Variants in ZNF324 observed in about 807,000 individuals in gnomAD.
ZNF324 encodes the protein zinc finger protein 324, also known as zinc finger protein 324A.
Under a neutral mutation model 10.3 loss-of-function variants are expected in ZNF324, and 3 were observed. That is an observed-to-expected ratio of 0.29 (90% CI 0.13 to 0.75). The LOEUF (loss-of-function observed/expected upper bound fraction) is 0.75. Ranked by LOEUF, ZNF324 falls within the 30% of genes least tolerant of loss-of-function variation. The pLI, the probability that ZNF324 is intolerant of heterozygous loss-of-function variation, is 0.69. For synonymous variants in ZNF324, 430 were observed against 339.5 expected, an observed-to-expected ratio of 1.27 and a Z score of -2.93; for missense variants, 763 against 784.4, an observed-to-expected ratio of 0.97 and a Z score of 0.33.
At position 58,471,333 on chromosome 19, in the gene ZNF324, G is replaced by A. The variant is rs987907650; in HGVS notation, c.841G>A (p.Gly281Arg). The A allele has an allele frequency of 2.4e-5, 39 of 1,614,042 alleles. No homozygotes were observed. Among genetic ancestry groups the A allele is most frequent in the Non-Finnish European group, 2.9e-5 (34 of 1,180,020 alleles). ...CCTCAAGCACCTACGCACCCACACC[G>A]GGGAGCGGCCCTACGAGTGCGCCCA... ...DLLKHLRTHTGERPYECAQCG... is the reference protein window; with the variant it reads ...DLLKHLRTHTRERPYECAQCG... The change falls in exon 4 of 4, where the codon GGG becomes AGG. Residue 281 changes from glycine (G) to arginine (R), a missense_variant. Gly to Arg is a moderately radical substitution (Grantham distance 125). Transcript: ENST00000196482.
chr19:58,467,939 C>T (rs992957404), intron 1 of ZNF324, among the ~76,000 whole-genome samples: 3 of 151,872 alleles, frequency 2.0e-5, no homozygotes, highest in Non-Finnish European at 2.9e-5. Flanking sequence ...GCGTGGAGAA[C>T]AGACATGCAG....
At chr19:58,467,279 A>C (rs563327070) in intron 1 of ZNF324, 96 bp downstream of exon 1, 1 of 152,032 alleles carries the variant, frequency 6.6e-6, no homozygotes, top group South Asian at 2.1e-4. Context: ...TGTTTCTCAG[A>C]GTGCGTCGTG....
chr19:58,471,046 T>C lies in ZNF324; in HGVS notation c.554T>C (p.Leu185Pro), dbSNP rs956528733. The change falls in exon 4 of 4, where the codon CTG (leucine) becomes CCG (proline). Residue 185 changes from leucine to proline, a missense_variant. Physicochemically the swap from Leu to Pro is moderately conservative, Grantham distance 98 (BLOSUM62 -3). This residue lies in a region of ZNF324 where 379 missense variants were observed against 319.4 expected (regional missense o/e 1.19). Transcript: ENST00000196482. ...REKTLTEHAL[L>P]GRQPRTPERQ... is the part of the protein sequence containing the mutation. ...AAGACACTCACAGAGCATGCGTTGC[T>C]GGGGAGGCAGCCCAGGACGCCTGAG... 5 of 1,613,832 alleles carry C rather than the reference T, an allele frequency of 3.1e-6. No individual in the cohort carries two copies. Among genetic ancestry groups the C allele is most frequent in the Non-Finnish European group, 4.2e-6 (5 of 1,180,038 alleles).
At position 58,473,616 on chromosome 19, in the gene ZNF324, C is replaced by G. The variant is rs1050266492; in HGVS notation, c.*1462C>G. ...GTAGCAACCTGACACCTATTTCACC[C>G]TCATACAATGCAGATGGTATTGAAC... On this transcript the variant is annotated 3_prime_UTR_variant, in exon 4 of 4. Coordinates refer to ENST00000196482, the MANE Select transcript of ZNF324 (RefSeq NM_014347.3). 6.6e-6 allele frequency: 1 copy of G among 152,174 alleles called. No individual in the cohort carries two copies. Among genetic ancestry groups the G allele is most frequent in the Non-Finnish European group, 1.5e-5 (1 of 68,060 alleles). 9.4% of individuals were successfully genotyped at this position (152,174 alleles called of 1,614,324 possible). A position where few individuals can be genotyped will look rare whatever the true frequency, so the allele number is the denominator to read the frequency against.
intron 3 of ZNF324, chr19:58,470,397 G>C: frequency 2.3e-6 from 1 of 434,850 alleles, no homozygotes; most frequent in Non-Finnish European, 4.3e-6. Flanking sequence ...CAGGGGCGGG[G>C]GGAAGGGGGT....
In ZNF324 at chr19:58,471,626, C is replaced by T. The variant is rs1218949875; in HGVS notation, c.1134C>T (p.Phe378=). ...PYACAQCGRR[F]CRNSHLIQHE... is the part of the protein sequence containing the mutation. ...CTTGCGCACAGTGTGGCCGCCGCTT[C>T]TGCCGCAACTCGCACCTGATCCAGC... The change falls in exon 4 of 4, where the codon TTC becomes TTT. Residue 378 remains phenylalanine (F), a synonymous_variant. Coordinates refer to ENST00000196482, the MANE Select transcript of ZNF324 (RefSeq NM_014347.3). 5.0e-6 allele frequency: 8 copies of T among 1,609,704 alleles called. No individual in the cohort carries two copies. In the East Asian group the frequency reaches 8.9e-5, roughly 18 times the overall value.
rs563025276 is a variant in ZNF324, at chr19:58,468,410, AAGG to A, written c.-6-765_-6-763del. On this transcript the variant is annotated intron_variant, in intron 1 of 3. Transcript: ENST00000196482. ...GGGGAAGAAAGGGGACACCGGGTGA[AAGG>A]AGGAAGGGATTGAGTTCCTCTGTGT... Among the ~76,000 whole-genome samples, 94 of 152,142 alleles carry A rather than the reference AAGG, an allele frequency of 6.2e-4. 1 individual carries two copies. The highest frequency in any genetic ancestry group is 3.4e-3 in the Middle Eastern group (1 of 292).
rs752948622 is a variant in ZNF324 at position 58,471,302 on chromosome 19, C to T, written c.810C>T (p.Ser270=). The T allele has an allele frequency of 5.9e-5, 95 of 1,613,766 alleles. No homozygotes were observed. Among genetic ancestry groups the T allele is most frequent in the Non-Finnish European group, 7.3e-5 (86 of 1,180,014 alleles). The change falls in exon 4 of 4, where the codon TCC becomes TCT. Residue 270 remains serine (S), a synonymous_variant. Transcript: ENST00000196482. Reference sequence around the variant, plus strand: ...GCAGCAAAGTGTTCGTGAAGAGCTCCGACCTCCTCAAGCACCTACGCACCC... The same window carrying T: ...GCAGCAAAGTGTTCGTGAAGAGCTCTGACCTCCTCAAGCACCTACGCACCC... The part of the protein sequence containing the change: ...RACSKVFVKS[S]DLLKHLRTHT...
chr19:58,471,044 G>T lies in ZNF324; in HGVS notation c.552G>T (p.Leu184Phe). Residue 184 changes from leucine (L) to phenylalanine (F), a missense_variant, in exon 4 of 4, where the codon TTG becomes TTT. By Grantham distance (22) the Leu-to-Phe change is conservative. Coordinates refer to ENST00000196482, the MANE Select transcript of ZNF324 (RefSeq NM_014347.3). ...AAAAGACACTCACAGAGCATGCGTT[G>T]CTGGGGAGGCAGCCCAGGACGCCTG... The part of the protein sequence containing the change: ...LREKTLTEHA[L>F]LGRQPRTPER... 1 of 1,614,024 alleles carries T rather than the reference G, an allele frequency of 6.2e-7. No homozygotes were observed. The highest frequency in any genetic ancestry group is 1.3e-5 in the African/African-American group (1 of 75,060).
chr19:58,471,029 C>T lies in ZNF324; in HGVS notation c.537C>T (p.Leu179=). Residue 179 remains leucine (L), a synonymous_variant, in exon 4 of 4, where the codon CTC becomes CTT. Transcript: ENST00000196482. ...PEGVRLREKT[L]TEHALLGRQP... ...GCGTCCGGCTTAGAGAAAAGACACTCACAGAGCATGCGTTGCTGGGGAGGC... is the reference window on the plus strand; with the variant it reads ...GCGTCCGGCTTAGAGAAAAGACACTTACAGAGCATGCGTTGCTGGGGAGGC... 1 of 1,614,088 alleles carries T rather than the reference C, an allele frequency of 6.2e-7. No individual in the cohort carries two copies. Among genetic ancestry groups the T allele is most frequent in the South Asian group, 1.1e-5 (1 of 91,080 alleles).
chr19:58,472,323 C>G lies in ZNF324; in HGVS notation c.*169C>G, dbSNP rs556843670. ...CGTGGGGACAGGATTTGCCAGTTCA[C>G]CCACAGATCACACCTCCATCCCCAA... On this transcript the variant is annotated 3_prime_UTR_variant, in exon 4 of 4. Coordinates refer to ENST00000196482, the MANE Select transcript of ZNF324 (RefSeq NM_014347.3). The G allele has an allele frequency of 2.7e-4, 191 of 699,050 alleles. No homozygotes were observed. The highest frequency in any genetic ancestry group is 1.2e-3 in the Middle Eastern group (3 of 2,466). 43.3% of individuals were successfully genotyped at this position (699,050 alleles called of 1,614,324 possible).
Position 58,472,476 on chromosome 19 carries a change from T to G in ZNF324, c.*322T>G, listed in dbSNP as rs1024353038. 6.9e-5 allele frequency: 23 copies of G among 333,574 alleles called. No homozygotes were observed. Among genetic ancestry groups the G allele is most frequent in the Non-Finnish European group, 1.2e-4 (21 of 181,530 alleles). 20.7% of individuals were successfully genotyped at this position (333,574 alleles called of 1,614,324 possible). ...CACTGTGGTGCGGCTTCATGTGATATGACAGTGGATGCTAAGGTGAGAGGG... is the reference window on the plus strand; with the variant it reads ...CACTGTGGTGCGGCTTCATGTGATAGGACAGTGGATGCTAAGGTGAGAGGG... On this transcript the variant is annotated 3_prime_UTR_variant, in exon 4 of 4. Coordinates refer to ENST00000196482, the MANE Select transcript of ZNF324 (RefSeq NM_014347.3).
At position 58,471,732 on chromosome 19, in the gene ZNF324, A is replaced by T. The variant is rs1048478; in HGVS notation, c.1240A>T (p.Lys414Ter). 46 of 1,608,714 alleles carry T rather than the reference A, an allele frequency of 2.9e-5. No homozygotes were observed. The highest frequency in any genetic ancestry group is 6.8e-5 in the African/African-American group (5 of 73,536). The stretch of plus-strand genomic sequence containing the variant: ...CTTCAGCCAGGGCTCCTCGCTCTTT[A>T]AGCACCAGCGCGTGCACACAGGCGA... ...AAFSQGSSLF[K>*]HQRVHTGEKP... Residue 414 changes from lysine (K) to a stop codon, truncating the protein, a stop_gained, in exon 4 of 4, where the codon AAG becomes TAG. Transcript: ENST00000196482. LOFTEE classifies it low-confidence loss of function (END_TRUNC).
Position 58,474,973 on chromosome 19 carries a change from C to G in ZNF324, c.*2819C>G, listed in dbSNP as rs954471458. ...CAGAGACGGGAGACCTATATCAAAG[C>G]TGCCTGGGGAACAACTACTGAAGAA... On this transcript the variant is annotated 3_prime_UTR_variant, in exon 4 of 4. Transcript: ENST00000196482. 1.3e-5 allele frequency: 2 copies of G among 152,218 alleles called. No individual in the cohort carries two copies. Among genetic ancestry groups the G allele is most frequent in the Non-Finnish European group, 2.9e-5 (2 of 68,040 alleles). The allele number at this position is 152,218 out of a possible 1,614,324, so 9.4% of individuals were successfully genotyped here.
chr19:58,470,926 A>G lies in ZNF324; in HGVS notation c.434A>G (p.Glu145Gly). 1 of 1,614,210 alleles carries G rather than the reference A, an allele frequency of 6.2e-7. No homozygotes were observed. Among genetic ancestry groups the G allele is most frequent in the Non-Finnish European group, 8.5e-7 (1 of 1,180,040 alleles). The stretch of plus-strand genomic sequence containing the variant: ...ACGGGGGTGTCGGTGATCTACTGGG[A>G]GAGGCTCCTGCTAGGCTCAGGCAGT... ...KPTGVSVIYW[E>G]RLLLGSGSGQ... The change falls in exon 4 of 4, where the codon GAG becomes GGG. Residue 145 changes from glutamate (E) to glycine (G), a missense_variant. By Grantham distance (98) the Glu-to-Gly change is moderately conservative (BLOSUM62 -2). Around this residue, in one of 3 missense-constraint regions of ZNF324, gnomAD observed 379 missense variants for 319.4 expected, o/e 1.19. Coordinates refer to ENST00000196482, the MANE Select transcript of ZNF324 (RefSeq NM_014347.3).
In ZNF324 at chr19:58,472,232, A is replaced by G. The variant is rs370602400; in HGVS notation, c.*78A>G. The G allele has an allele frequency of 8.6e-6, 12 of 1,402,404 alleles. 1 individual carries two copies. Among genetic ancestry groups the G allele is most frequent in the African/African-American group, 7.2e-5 (5 of 69,710 alleles). 86.9% of individuals were successfully genotyped at this position (1,402,404 alleles called of 1,614,324 possible). A position where few individuals can be genotyped will look rare whatever the true frequency, so the allele number is the denominator to read the frequency against. On this transcript the variant is annotated 3_prime_UTR_variant, in exon 4 of 4. Coordinates refer to ENST00000196482, the MANE Select transcript of ZNF324 (RefSeq NM_014347.3). ...CATATGTCCTCTGCAGATCCACAGC[A>G]GAGAAAAAGTCCCGTGCTTGCTAGT...
chr19:58,471,443 G>A lies in ZNF324; in HGVS notation c.951G>A (p.Val317=), dbSNP rs2053032132. 5 of 1,604,998 alleles carry A rather than the reference G, an allele frequency of 3.1e-6. No individual in the cohort carries two copies. Among genetic ancestry groups the A allele is most frequent in the Non-Finnish European group, 4.3e-6 (5 of 1,174,896 alleles). The change falls in exon 4 of 4, where the codon GTG becomes GTA. Residue 317 remains valine, a synonymous_variant. Coordinates refer to ENST00000196482, the MANE Select transcript of ZNF324 (RefSeq NM_014347.3). ...HSGETPYACP[V]CGKAFRHSSS... ...GCGAGACGCCCTACGCGTGCCCCGT[G>A]TGCGGCAAGGCCTTCCGGCATAGCT...
rs762690197 is a variant in ZNF324, at chr19:58,469,738, C to G, written c.132C>G (p.Thr44=). 2 of 1,575,530 alleles carry G rather than the reference C, an allele frequency of 1.3e-6. No homozygotes were observed. The highest frequency in any genetic ancestry group is 4.7e-5 in the East Asian group (2 of 42,900). The change falls in exon 3 of 4, where the codon ACC becomes ACG. Residue 44 remains threonine (T), a synonymous_variant. Transcript: ENST00000196482. The part of the protein sequence containing the change: ...FALVASLGLS[T]SRPRVVIQLE... ...ACCTCCTCCTCACAGGACTCTCCAC[C>G]TCTCGACCTCGTGTGGTCATCCAAC... is the stretch of plus-strand genomic sequence containing the variant.
chr19:58,470,843 C>G lies in ZNF324; in HGVS notation c.351C>G (p.His117Gln). ...TCTTCCCTGTTGCCGGTGCCTGCCA[C>G]AGTGTAAAAAGCCTGCAGAGACAAC... ...TSVFPVAGACHSVKSLQRQRG... is the reference protein window; with the variant it reads ...TSVFPVAGACQSVKSLQRQRG... The change falls in exon 4 of 4, where the codon CAC becomes CAG. Residue 117 changes from histidine to glutamine, a missense_variant. By Grantham distance (24) the His-to-Gln change is conservative (BLOSUM62 0). Coordinates refer to ENST00000196482, the MANE Select transcript of ZNF324 (RefSeq NM_014347.3). 1 of 1,614,208 alleles carries G rather than the reference C, an allele frequency of 6.2e-7. No homozygotes were observed. Among genetic ancestry groups the G allele is most frequent in the Non-Finnish European group, 8.5e-7 (1 of 1,180,046 alleles).
Sources: gnomAD v4.1 joint callset for allele counts (sites outside exome capture counted in the v4.1 genomes callset) on GRCh38, gnomAD v4.1.1 for gene constraint, gnomAD v4.1.1 regional missense constraint, MANE v1.5 for transcripts, NCBI Gene and HGNC (gene_info 2026-07-23, HGNC 2026-07-21) for gene names.